The following SHISA6 variants were observed in gnomAD, a reference collection of about 807,000 sequenced individuals.
The protein encoded by SHISA6 is shisa family member 6, also known as protein shisa-6.
A neutral mutation model predicts 47.9 loss-of-function variants in SHISA6; 22 were observed. That is an observed-to-expected ratio of 0.46 (90% CI 0.33 to 0.66). The LOEUF is 0.66. SHISA6 is among the 30% of genes least tolerant of loss of function. SHISA6 has a pLI of 0.02. For synonymous variants in SHISA6, 388 were observed against 337.8 expected, an observed-to-expected ratio of 1.15 and a Z score of -1.63; for missense variants, 680 against 764.6, an observed-to-expected ratio of 0.89 and a Z score of 1.30.
intron 2 of SHISA6, among the ~76,000 whole-genome samples, chr17:11,324,240 TAC>T (rs907718811): frequency 6.6e-6 from 1 of 152,184 alleles, no homozygotes; most frequent in Non-Finnish European, 1.5e-5. Context: ...CTGATGCCCA[TAC>T]ACAAGGGAAG....
chr17:11,302,919 G>T (rs1204195609), intron 2 of SHISA6, among the ~76,000 whole-genome samples: 2 of 152,142 alleles, frequency 1.3e-5, no homozygotes, highest in African/African-American at 4.8e-5. Flanking sequence ...CAGACTTCCT[G>T]CAGGTTCTGC....
chr17:11,432,473 T>C (rs1914808401), intron 3 of SHISA6, among the ~76,000 whole-genome samples: 1 of 152,204 alleles, frequency 6.6e-6, no homozygotes, highest in African/African-American at 2.4e-5. Flanking sequence ...GGCCACTGCA[T>C]CTGAAATATA....
intron 2 of SHISA6, among the ~76,000 whole-genome samples, chr17:11,296,884 G>A (rs1260244705): frequency 2.6e-5 from 4 of 152,084 alleles, no homozygotes; most frequent in Non-Finnish European, 4.4e-5. Context: ...ATCAAGAAAG[G>A]GGAAATAACT....
At chr17:11,455,634 A>G (rs1220477566) in intron 3 of SHISA6, among the ~76,000 whole-genome samples, 1 of 152,160 alleles carries the variant, frequency 6.6e-6, no homozygotes, top group Non-Finnish European at 1.5e-5. Context: ...CTTTGCTCCC[A>G]GAAGAGCCCA....
At chr17:11,273,823 T>G (rs1908773592) in intron 2 of SHISA6, among the ~76,000 whole-genome samples, 1 of 152,224 alleles carries the variant, frequency 6.6e-6, no homozygotes, top group Non-Finnish European at 1.5e-5. Context: ...TGCACTTCTC[T>G]TGGGATTCTG....
intron 2 of SHISA6, among the ~76,000 whole-genome samples, chr17:11,332,912 C>T (rs1262165867): frequency 6.6e-6 from 1 of 152,026 alleles, no homozygotes; most frequent in Non-Finnish European, 1.5e-5. Flanking sequence ...CATTGTCTCT[C>T]GGGTGGTGGT....
At chr17:11,371,857 G>A (rs962830069) in intron 2 of SHISA6, among the ~76,000 whole-genome samples, 20 of 151,832 alleles carry the variant, frequency 1.3e-4, no homozygotes, top group Admixed American at 1.0e-3. Flanking sequence ...AAAATCAAAG[G>A]CAAATGCCTC....
intron 3 of SHISA6, among the ~76,000 whole-genome samples, chr17:11,469,756 G>A (rs1247358800): frequency 1.3e-5 from 2 of 152,168 alleles, no homozygotes; most frequent in Non-Finnish European, 2.9e-5. Flanking sequence ...TCATGAGGAA[G>A]CAGTTTTCTC....
chr17:11,379,616 GTGGGGTGGTTCCA>G lies in SHISA6; in HGVS notation c.895+111_895+123del. 1.1e-5 allele frequency: 8 copies of G among 732,742 alleles called. 1 individual carries two copies. In the South Asian group the frequency reaches 1.4e-4, roughly 12 times the overall value. The allele number at this position is 732,742 out of a possible 1,614,324, so 45.4% of individuals were successfully genotyped here. On this transcript the variant is annotated intron_variant, in intron 3 of 5. Coordinates refer to ENST00000441885, the MANE Select transcript of SHISA6 (RefSeq NM_207386.4). Reference sequence around the variant, plus strand: ...AGAGGCTTGTCTGGGACAGGAATAAGTGGGGTGGTTCCATGGCAGCTTGTCCTGGTGACATGCG... The same window carrying G: ...AGAGGCTTGTCTGGGACAGGAATAAGTGGCAGCTTGTCCTGGTGACATGCG...
intron 3 of SHISA6, among the ~76,000 whole-genome samples, chr17:11,540,289 G>A (rs941530197): frequency 6.6e-6 from 1 of 152,216 alleles, no homozygotes; most frequent in Non-Finnish European, 1.5e-5. Context: ...TTCTGTGGCT[G>A]CTGGTTGGGT....
intron 3 of SHISA6, among the ~76,000 whole-genome samples, chr17:11,531,382 C>T (rs1189501180): frequency 6.6e-6 from 1 of 151,744 alleles, no homozygotes; most frequent in African/African-American, 2.4e-5. Flanking sequence ...AGCAGGTTAG[C>T]TACAGATGGG....
At chr17:11,259,192 G>C (rs1362399773) in intron 1 of SHISA6, among the ~76,000 whole-genome samples, 1 of 152,166 alleles carries the variant, frequency 6.6e-6, no homozygotes, top group Non-Finnish European at 1.5e-5. Context: ...TGGGTGGCTA[G>C]ATGGATGGAT....
chr17:11,256,544 GC>G (rs1028957853), intron 1 of SHISA6, among the ~76,000 whole-genome samples: 1 of 152,104 alleles, frequency 6.6e-6, no homozygotes, highest in Admixed American at 6.5e-5. Flanking sequence ...AATCGTAATG[GC>G]AGCAGCAGCC....
intron 3 of SHISA6, among the ~76,000 whole-genome samples, chr17:11,431,958 T>A (rs932144128): frequency 3.3e-5 from 5 of 152,172 alleles, no homozygotes; most frequent in African/African-American, 1.2e-4. Flanking sequence ...TATATAGATG[T>A]AACAAACTGA....
chr17:11,390,942 T>A (rs1913366116), intron 3 of SHISA6, among the ~76,000 whole-genome samples: 1 of 152,110 alleles, frequency 6.6e-6, no homozygotes, highest in South Asian at 2.1e-4. Context: ...GGAAGTGCCA[T>A]GAAGTAGATA....
intron 2 of SHISA6, among the ~76,000 whole-genome samples, chr17:11,369,974 T>C (rs1483980193): frequency 6.6e-6 from 1 of 152,200 alleles, no homozygotes; most frequent in Non-Finnish European, 1.5e-5. Flanking sequence ...TAGTCCCCAC[T>C]TAACAGTCAA....
chr17:11,537,361 G>T, intron 3 of SHISA6, among the ~76,000 whole-genome samples: 1 of 152,094 alleles, frequency 6.6e-6, no homozygotes, highest in East Asian at 1.9e-4. Context: ...GTGGCGGCGG[G>T]GGGGATCCCA....
chr17:11,260,050 A>G (rs1004943172), intron 1 of SHISA6, among the ~76,000 whole-genome samples: 6 of 152,236 alleles, frequency 3.9e-5, no homozygotes, highest in Non-Finnish European at 7.3e-5. Flanking sequence ...GAAATTATTA[A>G]GTGCTATCCA....
chr17:11,367,809 A>C (rs973351466), intron 2 of SHISA6, among the ~76,000 whole-genome samples: 2 of 152,200 alleles, frequency 1.3e-5, no homozygotes, highest in Admixed American at 6.5e-5. Flanking sequence ...ACAGTCTGCA[A>C]ATGAAATCAC....
Sources: gnomAD v4.1 joint callset for allele counts (sites outside exome capture counted in the v4.1 genomes callset) on GRCh38, gnomAD v4.1.1 for gene constraint, MANE v1.5 for transcripts, NCBI Gene and HGNC (gene_info 2026-07-23, HGNC 2026-07-21) for gene names.